Variants in KIRREL3 observed in about 807,000 individuals in gnomAD.
KIRREL3 encodes kirre like nephrin family adhesion molecule 3.
Under a neutral mutation model 89.7 loss-of-function variants are expected in KIRREL3, and 36 were observed. The observed-to-expected ratio is 0.40, with a 90% CI of 0.31 to 0.53. KIRREL3 has a LOEUF of 0.53. KIRREL3 is among the 20% of genes least tolerant of loss of function. The pLI is 0.49. For synonymous variants in KIRREL3, 445 were observed against 441.4 expected (o/e 1.01, Z -0.10); for missense variants, 864 against 1,056.6 (o/e 0.82, Z 2.53).
rs1341901131 is a variant in KIRREL3, at chr11:126,940,886, C to T, written c.55+59569G>A. 2 of 151,760 alleles carry T rather than the reference C, an allele frequency of 1.3e-5. No homozygotes were observed. The highest frequency in any genetic ancestry group is 4.8e-5 in the African/African-American group (2 of 41,280). 9.4% of individuals were successfully genotyped at this position (151,760 alleles called of 1,614,324 possible). A position where few individuals can be genotyped will look rare whatever the true frequency, so the allele number is the denominator to read the frequency against. ...ACTATTTGGATACTGTACTCTGGTT[C>T]CTTCATCTCCTCCATCTGCATCAGC... On this transcript the variant is annotated intron_variant, in intron 1 of 16. Transcript: ENST00000525144. The surrounding 1 kb of genome is among the most constrained non-coding windows in gnomAD (Gnocchi z 4.6).
At chr11:126,922,021 T>C (rs1271275222) in intron 1 of KIRREL3, among the ~76,000 whole-genome samples, 1 of 114,290 alleles carries the variant, frequency 8.7e-6, no homozygotes, top group Non-Finnish European at 1.8e-5. Context: ...TATCTTCCTA[T>C]CTATCTTCCT....
intron 1 of KIRREL3, among the ~76,000 whole-genome samples, chr11:126,862,194 G>A (rs907824137): frequency 1.3e-5 from 2 of 152,208 alleles, no homozygotes; most frequent in African/African-American, 4.8e-5. Flanking sequence ...TGCTCCTGAT[G>A]ATAAAGGAGA....
Position 126,622,551 on chromosome 11 carries a change from T to G in KIRREL3, c.56-59639A>C, listed in dbSNP as rs935324066. On this transcript the variant is annotated intron_variant, in intron 1 of 16. Coordinates refer to ENST00000525144, the MANE Select transcript of KIRREL3 (RefSeq NM_032531.4). The surrounding 1 kb of genome is among the most constrained non-coding windows in gnomAD (Gnocchi z 5.2). ...CTTCATTACAAAAGTTAGCCAGGTA[T>G]GGTGGCATGTGCCTGTAATCCCAGC... 3.9e-5 allele frequency among the ~76,000 whole-genome samples: 6 copies of G among 152,180 alleles called. No homozygotes were observed. Among genetic ancestry groups the G allele is most frequent in the South Asian group, 4.1e-4 (2 of 4,822 alleles).
At chr11:126,467,832 G>A (rs1956775053) in intron 5 of KIRREL3, among the ~76,000 whole-genome samples, 1 of 152,194 alleles carries the variant, frequency 6.6e-6, no homozygotes, top group East Asian at 1.9e-4. Flanking sequence ...GCCAGGATGA[G>A]CCTCGGCCAC....
rs1186719942 is a variant in KIRREL3, at chr11:126,550,834, C to T, written c.133+12001G>A. ...TCTGTGGCCAAACAGGTGGGAGCAG[C>T]GGACACCAGCTGGGTGTCCTCCAAT... On this transcript the variant is annotated intron_variant, in intron 2 of 16. Coordinates refer to ENST00000525144, the MANE Select transcript of KIRREL3 (RefSeq NM_032531.4). The surrounding 1 kb of genome is among the most constrained non-coding windows in gnomAD (Gnocchi z 4.9). 1.3e-5 allele frequency among the ~76,000 whole-genome samples: 2 copies of T among 152,100 alleles called. No individual in the cohort carries two copies. Among genetic ancestry groups the T allele is most frequent in the African/African-American group, 2.4e-5 (1 of 41,412 alleles).
At position 126,526,857 on chromosome 11, in the gene KIRREL3, G is replaced by C. The variant is rs1958777998; in HGVS notation, c.134-170C>G. Among the ~76,000 whole-genome samples the C allele has an allele frequency of 6.6e-6, 1 of 152,182 alleles. No homozygotes were observed. The highest frequency in any genetic ancestry group is 1.5e-5 in the Non-Finnish European group (1 of 68,022). On this transcript the variant is annotated intron_variant, in intron 2 of 16. Transcript: ENST00000525144. The surrounding 1 kb of genome is among the most constrained non-coding windows in gnomAD (Gnocchi z 5.7). ...AGCTTCCTAACTGGTCTCAGCCCCA[G>C]CTCTATTCCCTCCTATGGGGGCCTG...
intron 15 of KIRREL3, among the ~76,000 whole-genome samples, chr11:126,426,839 G>A (rs961358022): frequency 2.0e-5 from 3 of 152,216 alleles, no homozygotes; most frequent in Non-Finnish European, 4.4e-5. Context: ...GAGACCATGC[G>A]GTTCATTTTT....
intron 1 of KIRREL3, among the ~76,000 whole-genome samples, chr11:126,762,588 T>C (rs571041182): frequency 2.1e-4 from 32 of 152,338 alleles, no homozygotes; most frequent in African/African-American, 7.0e-4. Flanking sequence ...CACCTCCCCG[T>C]TGACCAGAAT....
rs12575596 is a variant in KIRREL3, at chr11:126,588,909, A to G, written c.56-25997T>C. 4.1e-3 allele frequency among the ~76,000 whole-genome samples: 629 copies of G among 152,160 alleles called. 5 individuals are homozygous for G. Among genetic ancestry groups the G allele is most frequent in the South Asian group, 0.028 (136 of 4,814 alleles). On this transcript the variant is annotated intron_variant, in intron 1 of 16. Transcript: ENST00000525144. The stretch of plus-strand genomic sequence containing the variant: ...GTGGCGGTGGTGGGGGGACCAGGGG[A>G]GACGAGGGCATCAGTCACTCCAGCA...
rs558357895 is a variant in KIRREL3 at position 126,820,964 on chromosome 11, A to G, written c.55+179491T>C. Among the ~76,000 whole-genome samples, 3 of 152,166 alleles carry G rather than the reference A, an allele frequency of 2.0e-5. No individual in the cohort carries two copies. In the South Asian group the frequency reaches 6.2e-4, roughly 32 times the overall value. ...CAAGGTGCTGGATGGGTGTGTTTCG[A>G]GCTTACTAGGTCTGAGATACCACGG... is the stretch of plus-strand genomic sequence containing the variant. On this transcript the variant is annotated intron_variant, in intron 1 of 16. Coordinates refer to ENST00000525144, the MANE Select transcript of KIRREL3 (RefSeq NM_032531.4).
Position 126,456,394 on chromosome 11 carries a change from G to T in KIRREL3, c.803C>A (p.Thr268Asn), listed in dbSNP as rs1235212908. 3 of 1,595,054 alleles carry T rather than the reference G, an allele frequency of 1.9e-6. No individual in the cohort carries two copies. Among genetic ancestry groups the T allele is most frequent in the Non-Finnish European group, 1.7e-6 (2 of 1,170,904 alleles). The change falls in exon 7 of 17, where the codon ACT becomes AAT. Residue 268 changes from threonine to asparagine, a missense_variant. Transcript: ENST00000525144. ...PQPVLEDNVV[T>N]FHCSAKANPA... ...GTTGGCCTTTGCAGAGCAGTGGAAA[G>T]TGACGACGTTGTCCTCCAGCACTGG...
At chr11:127,000,871 C>T, upstream of KIRREL3, 1 of 409,950 alleles carries the variant, frequency 2.4e-6, no homozygotes, top group Non-Finnish European at 4.3e-6. The surrounding 1 kb of genome is among the most constrained non-coding windows in gnomAD (Gnocchi z 7.1). Context: ...TTCACTGAAG[C>T]TGAGGCGAGG....
At position 126,791,665 on chromosome 11, in the gene KIRREL3, G is replaced by C. The variant is rs932494215; in HGVS notation, c.55+208790C>G. The stretch of plus-strand genomic sequence containing the variant: ...AGCCATCCAGGCCACAGGGTCCAGG[G>C]GCCCAGATTCCCATGGCCAGGCCAG... On this transcript the variant is annotated intron_variant, in intron 1 of 16. Transcript: ENST00000525144. The surrounding 1 kb of genome is among the most constrained non-coding windows in gnomAD (Gnocchi z 4.8). 1.3e-5 allele frequency among the ~76,000 whole-genome samples: 2 copies of C among 152,176 alleles called. No individual in the cohort carries two copies. The highest frequency in any genetic ancestry group is 4.1e-4 in the South Asian group (2 of 4,822).
intron 4 of KIRREL3, among the ~76,000 whole-genome samples, chr11:126,518,528 T>C (rs545744966): frequency 2.6e-5 from 4 of 152,366 alleles, no homozygotes; most frequent in African/African-American, 7.2e-5. Context: ...TAAAAATCTA[T>C]CTCAGGCAAA....
At chr11:126,868,380 C>A (rs1944994371) in intron 1 of KIRREL3, among the ~76,000 whole-genome samples, 1 of 152,108 alleles carries the variant, frequency 6.6e-6, no homozygotes, top group Admixed American at 6.6e-5. Flanking sequence ...CTGGAGAGGG[C>A]TCAGGAGAAA....
chr11:126,875,234 C>T (rs1036484883), intron 1 of KIRREL3, among the ~76,000 whole-genome samples: 2 of 152,184 alleles, frequency 1.3e-5, no homozygotes, highest in African/African-American at 4.8e-5. Flanking sequence ...CTTGTCCTTT[C>T]TCTGTTCTTC....
chr11:126,764,094 T>A lies in KIRREL3; in HGVS notation c.56-201182A>T, dbSNP rs528505046. On this transcript the variant is annotated intron_variant, in intron 1 of 16. Transcript: ENST00000525144. This position sits in a 1 kb window ranked among gnomAD's most constrained non-coding sequence, Gnocchi z 4.2. The stretch of plus-strand genomic sequence containing the variant: ...CTCTAATTAAGTGGAAGATTATGCA[T>A]GCCATTTGAGTTTTAAAAGACATTC... Among the ~76,000 whole-genome samples the A allele has an allele frequency of 5.3e-5, 8 of 152,300 alleles. No individual in the cohort carries two copies. Among genetic ancestry groups the A allele is most frequent in the African/African-American group, 1.9e-4 (8 of 41,548 alleles).
Position 126,535,442 on chromosome 11 carries a change from T to G in KIRREL3, c.134-8755A>C, listed in dbSNP as rs1937773526. Among the ~76,000 whole-genome samples the G allele has an allele frequency of 6.6e-6, 1 of 152,184 alleles. No individual in the cohort carries two copies. The highest frequency in any genetic ancestry group is 6.5e-5 in the Admixed American group (1 of 15,282). ...TATGACTTGCACACCTGTGGCCCCA[T>G]TCTGAGGTTGCCCCTCAATCCCTAA... On this transcript the variant is annotated intron_variant, in intron 2 of 16. Transcript: ENST00000525144. This position sits in a 1 kb window ranked among gnomAD's most constrained non-coding sequence, Gnocchi z 4.5.
chr11:126,804,762 C>G (rs377036009), intron 1 of KIRREL3, among the ~76,000 whole-genome samples: 149 of 152,242 alleles, frequency 9.8e-4, no homozygotes, highest in African/African-American at 3.3e-3. Context: ...TAGATCACAA[C>G]CTTTTTTCCA....
Sources: allele counts gnomAD v4.1 joint callset (sites outside exome capture counted in the v4.1 genomes callset), GRCh38; gene constraint gnomAD v4.1.1; non-coding constraint Gnocchi (gnomAD v3.1); transcripts MANE v1.5; gene names NCBI Gene and HGNC (gene_info 2026-07-23, HGNC 2026-07-21).